The following NUDCD1 variants were observed in gnomAD, a reference collection of about 807,000 sequenced individuals.
NUDCD1 encodes the protein nudC domain-containing protein 1.
A neutral mutation model predicts 67.8 loss-of-function variants in NUDCD1; 60 were observed. That is an observed-to-expected ratio of 0.88 (90% CI 0.72 to 1.10). The LOEUF (loss-of-function observed/expected upper bound fraction) is 1.10, where lower values mean the gene tolerates loss of function less well. Among genes scored for constraint, NUDCD1 ranks in the 50% least tolerant of loss-of-function variants. NUDCD1 has a pLI of 0.00. For missense variants in NUDCD1, 643 were observed against 695.0 expected, an observed-to-expected ratio of 0.93 and a Z score of 0.84; for synonymous variants, 244 against 230.8, an observed-to-expected ratio of 1.06 and a Z score of -0.52.
chr8:109,320,989 T>C (rs1213017727), intron 2 of NUDCD1, among the ~76,000 whole-genome samples: 1 of 152,212 alleles, frequency 6.6e-6, no homozygotes, highest in Non-Finnish European at 1.5e-5. Flanking sequence ...AGATAAAAGA[T>C]GGGATCAAGG....
intron 2 of NUDCD1, among the ~76,000 whole-genome samples, chr8:109,318,057 A>G (rs1414667437): frequency 6.6e-6 from 1 of 152,174 alleles, no homozygotes; most frequent in Non-Finnish European, 1.5e-5. Flanking sequence ...TTTTGCACCA[A>G]CCTATACATT....
Position 109,251,182 on chromosome 8 carries a change from C to T in NUDCD1, c.1300-5701G>A, listed in dbSNP as rs74517883. Among the ~76,000 whole-genome samples the T allele has an allele frequency of 7.1e-3, 925 of 129,922 alleles. 1 individual carries two copies. Among genetic ancestry groups the T allele is most frequent in the Middle Eastern group, 0.017 (4 of 242 alleles). The allele number at this position is 129,922 out of a possible 152,430, so 85.2% of individuals were successfully genotyped here. ...CTCATCTATTTCTTTTTTTTTTTTTCTTTTTTTTTTGGAGAGAGTCTCGCT... is the reference window on the plus strand; with the variant it reads ...CTCATCTATTTCTTTTTTTTTTTTTTTTTTTTTTTTGGAGAGAGTCTCGCT... On this transcript the variant is annotated intron_variant, in intron 8 of 9. Transcript: ENST00000239690.
chr8:109,246,216 A>G (rs1813492985), intron 8 of NUDCD1, among the ~76,000 whole-genome samples: 1 of 152,218 alleles, frequency 6.6e-6, no homozygotes, highest in African/African-American at 2.4e-5. Context: ...GCCATAGAAT[A>G]CACACATGAA....
At chr8:109,296,254 C>G (rs1814838747) in intron 3 of NUDCD1, 130 bp downstream of exon 3, 1 of 742,916 alleles carries the variant, frequency 1.3e-6, no homozygotes. Context: ...AAAAGAGATC[C>G]AAAACATTAT....
chr8:109,313,433 T>C (rs146421504), intron 2 of NUDCD1, among the ~76,000 whole-genome samples: 122 of 152,330 alleles, frequency 8.0e-4, no homozygotes, highest in South Asian at 2.3e-3. Flanking sequence ...AAAGTATAGA[T>C]AGACACATGC....
intron 2 of NUDCD1, among the ~76,000 whole-genome samples, chr8:109,304,576 C>T (rs1216173473): frequency 6.6e-6 from 1 of 152,200 alleles, no homozygotes; most frequent in African/African-American, 2.4e-5. Flanking sequence ...TATTTAAAGA[C>T]TCGAAATATG....
intron 8 of NUDCD1, among the ~76,000 whole-genome samples, chr8:109,255,370 A>G (rs1345831142): frequency 6.6e-6 from 1 of 152,202 alleles, no homozygotes; most frequent in Non-Finnish European, 1.5e-5. Context: ...AATTACCTAT[A>G]TACTTAAATA....
At chr8:109,328,890 C>T (rs1013684160) in intron 1 of NUDCD1, among the ~76,000 whole-genome samples, 1 of 152,166 alleles carries the variant, frequency 6.6e-6, no homozygotes, top group South Asian at 2.1e-4. Context: ...GGAAAGAAAA[C>T]AAAATCCATA....
intron 1 of NUDCD1, chr8:109,330,066 T>A (rs746157147): frequency 2.9e-5 from 12 of 418,798 alleles, no homozygotes; most frequent in Non-Finnish European, 4.0e-5. Flanking sequence ...GAAATATAGC[T>A]GGGAAACATA....
chr8:109,275,537 T>C (rs747969520), intron 6 of NUDCD1, 41 bp from the exon 7 acceptor site: 2 of 1,479,552 alleles, frequency 1.4e-6, no homozygotes. Flanking sequence ...CATTAAGCAA[T>C]TATACAAATT....
chr8:109,270,765 G>T (rs1814132325), intron 8 of NUDCD1, among the ~76,000 whole-genome samples: 1 of 151,762 alleles, frequency 6.6e-6, no homozygotes. Flanking sequence ...GGTCACAATT[G>T]TATATTAAAA....
At chr8:109,270,090 A>AGGGGGGGGGGGGGGGGGAGGGGGGG (rs1563665962) in intron 8 of NUDCD1, among the ~76,000 whole-genome samples, 1 of 7,612 alleles carries the variant, frequency 1.3e-4, no homozygotes, top group Non-Finnish European at 2.5e-4. Flanking sequence ...GGGTGCCTTA[A>AGGGGGGGGGGGGGGGGGAGGGGGGG]GGTGGGGTGT....
chr8:109,271,179 G>A, intron 7 of NUDCD1, 49 bp from the exon 8 acceptor site: 1 of 1,294,208 alleles, frequency 7.7e-7, no homozygotes. Context: ...AATAAACAAG[G>A]GAATGGGTTT....
chr8:109,280,303 T>C (rs1814402268), intron 6 of NUDCD1, among the ~76,000 whole-genome samples: 1 of 152,214 alleles, frequency 6.6e-6, no homozygotes, highest in South Asian at 2.1e-4. Flanking sequence ...GTGTAAAGTA[T>C]GTGTCAAAAA....
Position 109,242,772 on chromosome 8 carries a change from G to GTACT in NUDCD1, c.*233_*236dup. The GTACT allele has an allele frequency of 3.4e-6, 1 of 291,012 alleles. No individual in the cohort carries two copies. Among genetic ancestry groups the GTACT allele is most frequent in the Non-Finnish European group, 6.3e-6 (1 of 158,550 alleles). The allele number at this position is 291,012 out of a possible 1,614,324, so 18.0% of individuals were successfully genotyped here. ...TTTTAAAAAATAAGTATACTTGCTA[G>GTACT]TACTATCTTCACTCTTTTTTTTTTT... On this transcript the variant is annotated 3_prime_UTR_variant, in exon 10 of 10. Transcript: ENST00000239690.
chr8:109,262,681 TG>T lies in NUDCD1; in HGVS notation c.1299+8323del, dbSNP rs1372443227. 5.9e-5 allele frequency among the ~76,000 whole-genome samples: 9 copies of T among 152,276 alleles called. No homozygotes were observed. In the East Asian group the frequency reaches 1.5e-3, roughly 26 times the overall value. ...TATTGACCAAGGGGCTCAGCTGTGC[TG>T]ATCGATCAGAACTAAGCTGTAATTC... On this transcript the variant is annotated intron_variant, in intron 8 of 9. Transcript: ENST00000239690.
At chr8:109,271,270 A>C (rs541804930) in intron 7 of NUDCD1, 140 bp from the exon 8 acceptor site, 1 of 544,702 alleles carries the variant, frequency 1.8e-6, no homozygotes, top group Non-Finnish European at 3.2e-6. Flanking sequence ...CATAATCACA[A>C]AAACAGAAAT....
At chr8:109,313,864 T>A in intron 2 of NUDCD1, 1 of 1,043,602 alleles carries the variant, frequency 9.6e-7, no homozygotes, top group Non-Finnish European at 1.3e-6. Context: ...CAATATCCAA[T>A]AGAATGATTA....
intron 8 of NUDCD1, among the ~76,000 whole-genome samples, chr8:109,257,978 T>C (rs991078791): frequency 1.3e-5 from 2 of 152,152 alleles, no homozygotes; most frequent in African/African-American, 4.8e-5. Context: ...TTTACTCTCA[T>C]AATGACATAT....
Sources: allele counts gnomAD v4.1 joint callset (sites outside exome capture counted in the v4.1 genomes callset), GRCh38; gene constraint gnomAD v4.1.1; transcripts MANE v1.5; gene names NCBI Gene and HGNC (gene_info 2026-07-23, HGNC 2026-07-21).